SERPINB8: variants seen among roughly 807,000 people sequenced by gnomAD.
SERPINB8 encodes the protein serpin family B member 8, also known as serpin B8.
A neutral mutation model predicts 35.3 loss-of-function variants in SERPINB8; 25 were observed. The observed-to-expected ratio is 0.71, with a 90% CI of 0.52 to 0.99. The LOEUF is 0.99. Among genes scored for constraint, SERPINB8 ranks in the 50% least tolerant of loss-of-function variants. The pLI, the probability that SERPINB8 is intolerant of heterozygous loss-of-function variation, is 0.00. For missense variants in SERPINB8, 484 were observed against 446.5 expected (o/e 1.08, Z -0.76); for synonymous variants, 186 against 160.8 (o/e 1.16, Z -1.19).
At chr18:64,019,096 C>T (rs2050963912) in exon 8 of SERPINB8, 1 of 152,200 alleles carries the variant, frequency 6.6e-6, no homozygotes, top group Non-Finnish European at 1.5e-5. Context: ...TGTCTGCAGG[C>T]ATTTCACACT....
exon 8 of SERPINB8, chr18:64,019,052 A>G (rs2050963663): frequency 1.3e-5 from 2 of 152,232 alleles, no homozygotes; most frequent in African/African-American, 4.8e-5. Flanking sequence ...CTGGAGCTGT[A>G]TAGAAAACTG....
intron 3 of SERPINB8, 119 bp from the exon 4 acceptor site, chr18:63,981,602 A>G (rs1338975777): frequency 1.4e-6 from 1 of 700,670 alleles, no homozygotes; most frequent in African/African-American, 1.8e-5. Context: ...TGCACCTTGA[A>G]GTGGAGTGTG....
downstream of SERPINB8, among the ~76,000 whole-genome samples, chr18:63,990,185 C>T: frequency 6.7e-6 from 1 of 149,696 alleles, no homozygotes; most frequent in Admixed American, 6.7e-5. Context: ...AAGCAATTCT[C>T]GTGCCTCAGA....
downstream of SERPINB8, among the ~76,000 whole-genome samples, chr18:64,009,828 A>G (rs912473078): frequency 3.9e-5 from 6 of 152,344 alleles, no homozygotes; most frequent in Non-Finnish European, 7.4e-5. Flanking sequence ...TGAAAAAATT[A>G]AAGTTCTACC....
At chr18:63,991,773 T>A (rs949665657), downstream of SERPINB8, among the ~76,000 whole-genome samples, 3 of 152,174 alleles carry the variant, frequency 2.0e-5, no homozygotes, top group African/African-American at 7.2e-5. Context: ...AAGGCTCCCA[T>A]CATTAAACGT....
intron 6 of SERPINB8, chr18:63,986,349 T>C (rs2050754158): frequency 1.9e-6 from 3 of 1,596,178 alleles, no homozygotes; most frequent in Non-Finnish European, 2.6e-6. Context: ...GCATTCCCCA[T>C]TTCTCGTCTC....
chr18:63,984,070 C>T (rs1568275304), intron 5 of SERPINB8, among the ~76,000 whole-genome samples: 2 of 152,196 alleles, frequency 1.3e-5, no homozygotes, highest in South Asian at 4.1e-4. Flanking sequence ...TGGTCTCAAA[C>T]TCCTGGCCTC....
At chr18:64,011,904 C>A (rs2050927495) in intron 7 of SERPINB8, among the ~76,000 whole-genome samples, 1 of 152,082 alleles carries the variant, frequency 6.6e-6, no homozygotes, top group Admixed American at 6.6e-5. Flanking sequence ...ATGCCAACAT[C>A]AAAACTTGCA....
intron 1 of SERPINB8, among the ~76,000 whole-genome samples, chr18:63,998,716 C>A (rs989093106): frequency 6.6e-6 from 1 of 152,112 alleles, no homozygotes; most frequent in Non-Finnish European, 1.5e-5. Flanking sequence ...TTCCTGAAGA[C>A]CAAAATCAGT....
chr18:63,975,112 TACACAC>T (rs60613919), intron 1 of SERPINB8, among the ~76,000 whole-genome samples: 21 of 147,430 alleles, frequency 1.4e-4, no homozygotes, highest in East Asian at 4.0e-4. Flanking sequence ...TAAACACACC[TACACAC>T]ACACACACAC....
At chr18:64,007,476 T>G (rs1230123832), downstream of SERPINB8, among the ~76,000 whole-genome samples, 1 of 152,204 alleles carries the variant, frequency 6.6e-6, no homozygotes, top group Non-Finnish European at 1.5e-5. Context: ...TCAACTAATT[T>G]TATAAAGCTA....
chr18:64,004,991 C>A, exon 2 of SERPINB8: 1 of 396,282 alleles, frequency 2.5e-6, no homozygotes, highest in South Asian at 1.3e-4. Flanking sequence ...GTGGAAGTGC[C>A]ACAGGAGGAT....
intron 2 of SERPINB8, among the ~76,000 whole-genome samples, chr18:63,979,204 G>C (rs1196071022): frequency 6.6e-6 from 1 of 152,188 alleles, no homozygotes; most frequent in Admixed American, 6.5e-5. Context: ...GCTTTGGACT[G>C]GGGGTGATCG....
At chr18:64,006,423 G>A (rs544253583), downstream of SERPINB8, among the ~76,000 whole-genome samples, 1 of 152,274 alleles carries the variant, frequency 6.6e-6, no homozygotes, top group African/African-American at 2.4e-5. Context: ...ACCCTCATGT[G>A]GGATTAATGC....
Position 63,988,383 on chromosome 18 carries a change from A to T in SERPINB8, c.*1105A>T, listed in dbSNP as rs565499245. On this transcript the variant is annotated 3_prime_UTR_variant, in exon 7 of 7. Transcript: ENST00000397985. ...AATCTAATTTTAGACAGTTTGAGTA[A>T]TTAAAATTATTTCTATTAACAAATA... 1.3e-5 allele frequency: 2 copies of T among 152,290 alleles called. No individual in the cohort carries two copies. Among genetic ancestry groups the T allele is most frequent in the Admixed American group, 6.5e-5 (1 of 15,294 alleles). The allele number at this position is 152,290 out of a possible 1,614,324, so 9.4% of individuals were successfully genotyped here.
downstream of SERPINB8, among the ~76,000 whole-genome samples, chr18:63,991,935 T>C (rs2050826984): frequency 6.6e-6 from 1 of 152,208 alleles, no homozygotes; most frequent in Admixed American, 6.5e-5. Context: ...TTTGTTAATA[T>C]TGGGATTAAT....
intron 6 of SERPINB8, chr18:63,986,165 G>A: frequency 2.7e-6 from 3 of 1,105,982 alleles, no homozygotes; most frequent in East Asian, 2.4e-5. Flanking sequence ...CGTTGGAGAG[G>A]AGTACCCACC....
At chr18:64,008,452 T>A (rs2050910637), downstream of SERPINB8, among the ~76,000 whole-genome samples, 1 of 151,924 alleles carries the variant, frequency 6.6e-6, no homozygotes, top group African/African-American at 2.4e-5. Flanking sequence ...TTTTACTATG[T>A]TGGCCAGGCT....
downstream of SERPINB8, among the ~76,000 whole-genome samples, chr18:63,990,366 G>A (rs1951552950): frequency 6.6e-6 from 1 of 152,020 alleles, no homozygotes; most frequent in Non-Finnish European, 1.5e-5. Context: ...ATGAGCCACC[G>A]CACCTGGCCT....
Sources: allele counts gnomAD v4.1 joint callset (sites outside exome capture counted in the v4.1 genomes callset), GRCh38; gene constraint gnomAD v4.1.1; transcripts MANE v1.5; gene names NCBI Gene and HGNC (gene_info 2026-07-23, HGNC 2026-07-21).